KLHL32: variants seen among roughly 807,000 people sequenced by gnomAD.
The protein encoded by KLHL32 is kelch like family member 32, also known as kelch-like protein 32.
A neutral mutation model predicts 64.8 loss-of-function variants in KLHL32; 35 were observed. The observed-to-expected ratio is 0.54, with a 90% CI of 0.41 to 0.72. The LOEUF (loss-of-function observed/expected upper bound fraction) is 0.72, where lower values mean the gene tolerates loss of function less well. KLHL32 is among the 30% of genes least tolerant of loss of function. The pLI is 0.00. For missense variants in KLHL32, 589 were observed against 768.5 expected (o/e 0.77, Z 2.76); for synonymous variants, 259 against 281.0 (o/e 0.92, Z 0.78).
At chr6:96,903,249 A>C in the KLHL32 span, among the ~76,000 whole-genome samples, 1 of 151,706 alleles carries the variant, frequency 6.6e-6, no homozygotes, top group African/African-American at 2.4e-5. Context: ...ATTTTTTTAA[A>C]TTGAAAGAAA....
chr6:96,969,328 T>C (rs1365999323), intron 2 of KLHL32, among the ~76,000 whole-genome samples: 1 of 152,190 alleles, frequency 6.6e-6, no homozygotes, highest in Non-Finnish European at 1.5e-5. Flanking sequence ...CAAAATATGG[T>C]TGTACTTTGA....
chr6:97,002,113 C>T (rs940030461), intron 3 of KLHL32, among the ~76,000 whole-genome samples: 3 of 152,170 alleles, frequency 2.0e-5, no homozygotes, highest in Non-Finnish European at 4.4e-5. Flanking sequence ...AGTCTGAAGG[C>T]CTGAACTAGG....
At chr6:97,131,160 A>G (rs1194083257) in intron 9 of KLHL32, among the ~76,000 whole-genome samples, 1 of 152,216 alleles carries the variant, frequency 6.6e-6, no homozygotes, top group East Asian at 1.9e-4. Flanking sequence ...GGCCTATATT[A>G]CTACCATTAT....
intron 6 of KLHL32, among the ~76,000 whole-genome samples, chr6:97,095,123 G>A (rs1314196294): frequency 1.3e-5 from 2 of 152,144 alleles, no homozygotes; most frequent in African/African-American, 2.4e-5. Flanking sequence ...CAATCACAAT[G>A]GAAAATTACT....
Position 97,085,238 on chromosome 6 carries a change from TG to T in KLHL32, c.525del (p.Lys176ArgfsTer8). 6.2e-7 allele frequency: 1 copy of T among 1,614,066 alleles called. No homozygotes were observed. ...TTAGTGAAACATCTCTCTGAACTCC[TG>T]AAGAGCCGCCCAGAAGAAGTTCTAA... ...DFLVKHLSEL[L>X]KSRPEEVLTL... On this transcript the variant is annotated frameshift_variant, in exon 6 of 11. Coordinates refer to ENST00000369261, the MANE Select transcript of KLHL32 (RefSeq NM_052904.4). LOFTEE classifies it high-confidence loss of function.
intron 3 of KLHL32, among the ~76,000 whole-genome samples, chr6:96,988,178 G>C (rs1777360007): frequency 6.6e-6 from 1 of 152,120 alleles, no homozygotes; most frequent in Non-Finnish European, 1.5e-5. Flanking sequence ...CCTACAGAAT[G>C]GGAGAAAATT....
intron 5 of KLHL32, among the ~76,000 whole-genome samples, chr6:97,069,181 A>G (rs1790303448): frequency 6.6e-6 from 1 of 152,178 alleles, no homozygotes; most frequent in African/African-American, 2.4e-5. Context: ...CTCAGAAGCC[A>G]AGGAGGAACA....
intron 6 of KLHL32, among the ~76,000 whole-genome samples, chr6:97,090,868 ATAC>A (rs1794119337): frequency 6.6e-6 from 1 of 152,260 alleles, no homozygotes; most frequent in South Asian, 2.1e-4. Context: ...AAGCTCAGAA[ATAC>A]TCAGGCGATG....
intron 3 of KLHL32, among the ~76,000 whole-genome samples, chr6:96,989,506 C>A (rs1360220480): frequency 6.6e-6 from 1 of 151,960 alleles, no homozygotes; most frequent in African/African-American, 2.4e-5. Flanking sequence ...TGTGATTTGC[C>A]CTTTATCTCT....
chr6:96,959,780 G>C (rs2128023443), intron 1 of KLHL32, among the ~76,000 whole-genome samples: 1 of 152,288 alleles, frequency 6.6e-6, no homozygotes, highest in African/African-American at 2.4e-5. Flanking sequence ...AGGCCTAGGA[G>C]CATTTGAATC....
At chr6:97,006,478 C>A (rs1261490044) in intron 3 of KLHL32, among the ~76,000 whole-genome samples, 1 of 152,034 alleles carries the variant, frequency 6.6e-6, no homozygotes, top group Non-Finnish European at 1.5e-5. Flanking sequence ...ACATTCTGTG[C>A]CTTTTATTTG....
rs1782499046 is a variant in KLHL32 at position 97,024,823 on chromosome 6, C to A, written c.205-16669C>A. ...AATAATAATAGCTAACATTTTTTAT[C>A]ATTTACACTGTGACAGTCATTGTGC... On this transcript the variant is annotated intron_variant, in intron 3 of 10. Coordinates refer to ENST00000369261, the MANE Select transcript of KLHL32 (RefSeq NM_052904.4). 3.2e-5 allele frequency: 6 copies of A among 187,378 alleles called. No homozygotes were observed. In the South Asian group the frequency reaches 9.1e-4, roughly 28 times the overall value. The allele number at this position is 187,378 out of a possible 1,614,324, so 11.6% of individuals were successfully genotyped here.
the KLHL32 span, among the ~76,000 whole-genome samples, chr6:96,904,776 G>T: frequency 6.6e-6 from 1 of 152,138 alleles, no homozygotes; most frequent in African/African-American, 2.4e-5. Flanking sequence ...ATTGTTACAG[G>T]AATAGGCAAA....
At chr6:97,049,564 A>G (rs1786501085) in intron 4 of KLHL32, among the ~76,000 whole-genome samples, 1 of 136,048 alleles carries the variant, frequency 7.4e-6, no homozygotes, top group Non-Finnish European at 1.6e-5. Context: ...AACCGTAGAA[A>G]GCGAAACCGT....
chr6:96,904,937 A>G, the KLHL32 span, among the ~76,000 whole-genome samples: 1 of 152,228 alleles, frequency 6.6e-6, no homozygotes, highest in Non-Finnish European at 1.5e-5. Context: ...TCCCATTTAT[A>G]ACAATTCCCT....
At position 96,953,182 on chromosome 6, in the gene KLHL32, A is replaced by T. The variant is rs570474658; in HGVS notation, c.-65-13814A>T. 2.0e-5 allele frequency among the ~76,000 whole-genome samples: 3 copies of T among 152,298 alleles called. No individual in the cohort carries two copies. The East Asian group carries it at 5.8e-4, about 29-fold the overall frequency. ...AAGAAGACCCCATCAGATGATTACA[A>T]ATTTGATTCATTATACATTGTTTCC... On this transcript the variant is annotated intron_variant, in intron 1 of 10. Transcript: ENST00000369261.
intron 4 of KLHL32, among the ~76,000 whole-genome samples, chr6:97,044,384 C>T (rs1785603954): frequency 1.3e-5 from 2 of 151,990 alleles, no homozygotes; most frequent in South Asian, 4.1e-4. Flanking sequence ...TAATCATTCA[C>T]TGTGCTGTTG....
intron 6 of KLHL32, among the ~76,000 whole-genome samples, chr6:97,091,161 A>G (rs1794165307): frequency 6.6e-6 from 1 of 152,196 alleles, no homozygotes; most frequent in Non-Finnish European, 1.5e-5. Flanking sequence ...GTGTGCCGTG[A>G]TTGCACCACT....
At chr6:96,999,591 T>C (rs1778796252) in intron 3 of KLHL32, 1 of 856,264 alleles carries the variant, frequency 1.2e-6, no homozygotes, top group Non-Finnish European at 1.4e-6. Context: ...TGCTATTTTC[T>C]TTTTCTGATG....
Sources: gnomAD v4.1 joint callset for allele counts (sites outside exome capture counted in the v4.1 genomes callset) on GRCh38, gnomAD v4.1.1 for gene constraint, MANE v1.5 for transcripts, NCBI Gene and HGNC (gene_info 2026-07-23, HGNC 2026-07-21) for gene names.